The following TSPAN18 variants were observed in gnomAD, a reference collection of about 807,000 sequenced individuals.
TSPAN18 encodes the protein tetraspanin-18.
Under a neutral mutation model 27.3 loss-of-function variants are expected in TSPAN18, and 14 were observed. The observed-to-expected ratio is 0.51, with a 90% CI of 0.34 to 0.80. The LOEUF (loss-of-function observed/expected upper bound fraction) is 0.80. Among genes scored for constraint, TSPAN18 ranks in the 30% least tolerant of loss-of-function variants. The pLI is 0.01. For synonymous variants in TSPAN18, 143 were observed against 136.5 expected, an observed-to-expected ratio of 1.05 and a Z score of -0.33; for missense variants, 268 against 323.9, an observed-to-expected ratio of 0.83 and a Z score of 1.32.
At position 44,866,971 on chromosome 11, in the gene TSPAN18, A is replaced by C. The variant is rs1311122204; in HGVS notation, c.-11+6502A>C. On this transcript the variant is annotated intron_variant, in intron 3 of 9. Transcript: ENST00000520358. ...TCCTGTCACTCTCATTGGCTGCAAC[A>C]AATGCATCAATACCTTTCATTCAAG... 2.6e-5 allele frequency among the ~76,000 whole-genome samples: 4 copies of C among 152,264 alleles called. No individual in the cohort carries two copies. The East Asian group carries it at 7.7e-4, about 29-fold the overall frequency.
At chr11:44,742,277 C>T (rs914989385) in intron 1 of TSPAN18, among the ~76,000 whole-genome samples, 2 of 139,272 alleles carry the variant, frequency 1.4e-5, no homozygotes, top group Non-Finnish European at 3.2e-5. Flanking sequence ...CCCTTTTTCC[C>T]TTCCTTCTTT....
intron 2 of TSPAN18, among the ~76,000 whole-genome samples, chr11:44,822,742 A>G (rs1856952846): frequency 6.6e-6 from 1 of 152,104 alleles, no homozygotes; most frequent in South Asian, 2.1e-4. Flanking sequence ...GACACAGGCT[A>G]ACTCTGGGAA....
At chr11:44,900,237 T>C (rs1859209524) in intron 3 of TSPAN18, among the ~76,000 whole-genome samples, 1 of 152,192 alleles carries the variant, frequency 6.6e-6, no homozygotes, top group Admixed American at 6.5e-5. Context: ...AGCCCTGGTC[T>C]CTAGGCTTCA....
intron 2 of TSPAN18, among the ~76,000 whole-genome samples, chr11:44,779,973 G>C (rs1855899751): frequency 6.6e-6 from 1 of 152,096 alleles, no homozygotes; most frequent in Non-Finnish European, 1.5e-5. Context: ...ATCCCTGTCT[G>C]CCTTTGCACA....
intron 2 of TSPAN18, among the ~76,000 whole-genome samples, chr11:44,786,570 G>C (rs1026128417): frequency 6.6e-6 from 1 of 151,438 alleles, no homozygotes; most frequent in East Asian, 1.9e-4. Flanking sequence ...GTTGCCCCAG[G>C]ATCTAGGGTG....
chr11:44,840,299 C>T (rs538947936), intron 2 of TSPAN18, among the ~76,000 whole-genome samples: 2 of 152,208 alleles, frequency 1.3e-5, no homozygotes, highest in East Asian at 3.9e-4. Flanking sequence ...GGGTCTTTGC[C>T]CATTTCCGCT....
At chr11:44,880,189 G>A (rs930883581) in intron 3 of TSPAN18, among the ~76,000 whole-genome samples, 1 of 152,202 alleles carries the variant, frequency 6.6e-6, no homozygotes, top group Non-Finnish European at 1.5e-5. Context: ...AGAGCGCCAG[G>A]ATGGCCGCTG....
At chr11:44,797,339 G>C (rs1028472832) in intron 2 of TSPAN18, among the ~76,000 whole-genome samples, 4 of 152,220 alleles carry the variant, frequency 2.6e-5, no homozygotes, top group Non-Finnish European at 5.9e-5. Flanking sequence ...AGCCTGATGA[G>C]GTGGGTGTTA....
chr11:44,748,078 CAA>C (rs899342916), intron 1 of TSPAN18, among the ~76,000 whole-genome samples: 1 of 152,166 alleles, frequency 6.6e-6, no homozygotes, highest in Non-Finnish European at 1.5e-5. Flanking sequence ...TCCTTTCTCT[CAA>C]AAGAGACAAA....
Position 44,761,338 on chromosome 11 carries a change from A to G in TSPAN18, c.-239-3088A>G, listed in dbSNP as rs953941406. Among the ~76,000 whole-genome samples, 2 of 152,100 alleles carry G rather than the reference A, an allele frequency of 1.3e-5. 1 individual carries two copies. Among genetic ancestry groups the G allele is most frequent in the South Asian group, 4.2e-4 (2 of 4,810 alleles). ...CCTAAACCTTGGGATTCTTTTCTCC[A>G]TCTCCCAGGACAGCTCTGGCTCTAA... On this transcript the variant is annotated intron_variant, in intron 1 of 9. Coordinates refer to ENST00000520358, the MANE Select transcript of TSPAN18 (RefSeq NM_130783.5).
chr11:44,868,751 C>T lies in TSPAN18; in HGVS notation c.-11+8282C>T, dbSNP rs373590958. Among the ~76,000 whole-genome samples the T allele has an allele frequency of 1.5e-4, 23 of 152,232 alleles. No homozygotes were observed. In the East Asian group the frequency reaches 1.9e-3, roughly 13 times the overall value. On this transcript the variant is annotated intron_variant, in intron 3 of 9. Transcript: ENST00000520358. The stretch of plus-strand genomic sequence containing the variant: ...CCTGAGTCCTTGGGGCGGGCAGAAC[C>T]GGAGAGGGGGAAGGTGGAGCGCCCA...
intron 3 of TSPAN18, among the ~76,000 whole-genome samples, chr11:44,891,912 T>C (rs1858863238): frequency 6.6e-6 from 1 of 152,144 alleles, no homozygotes. Context: ...AGTGAATGAA[T>C]CAAGAGTGTT....
Position 44,862,215 on chromosome 11 carries a change from G to A in TSPAN18, c.-11+1746G>A, listed in dbSNP as rs1015107520. Among the ~76,000 whole-genome samples the A allele has an allele frequency of 2.0e-5, 3 of 152,224 alleles. No homozygotes were observed. In the East Asian group the frequency reaches 5.8e-4, roughly 29 times the overall value. On this transcript the variant is annotated intron_variant, in intron 3 of 9. Transcript: ENST00000520358. ...GGGGCACGAGGGTACACGTGGCCAG[G>A]CCAGCCTGGCAGCCCTGCTGCCCTC...
At chr11:44,742,491 G>T (rs914851659) in intron 1 of TSPAN18, among the ~76,000 whole-genome samples, 2 of 152,006 alleles carry the variant, frequency 1.3e-5, no homozygotes, top group African/African-American at 4.8e-5. Flanking sequence ...CCAGAAGGTA[G>T]TGGCATAGTC....
intron 3 of TSPAN18, among the ~76,000 whole-genome samples, chr11:44,860,671 G>A (rs1857855360): frequency 6.6e-6 from 1 of 152,172 alleles, no homozygotes; most frequent in African/African-American, 2.4e-5. Context: ...AAGGTTGCTG[G>A]GGTCTCACTA....
chr11:44,815,763 A>AG (rs760044090), intron 2 of TSPAN18, among the ~76,000 whole-genome samples: 1 of 152,146 alleles, frequency 6.6e-6, no homozygotes, highest in Non-Finnish European at 1.5e-5. Context: ...CTCACTGGGC[A>AG]GGGGCAGCTT....
chr11:44,781,322 G>A (rs983618303), intron 2 of TSPAN18, among the ~76,000 whole-genome samples: 1 of 152,228 alleles, frequency 6.6e-6, no homozygotes, highest in African/African-American at 2.4e-5. Flanking sequence ...TCCAGAAGCC[G>A]GGGCTGCCCA....
intron 1 of TSPAN18, among the ~76,000 whole-genome samples, chr11:44,747,546 C>T (rs1241363868): frequency 6.6e-6 from 1 of 152,116 alleles, no homozygotes; most frequent in Non-Finnish European, 1.5e-5. Context: ...GCCATTACGA[C>T]TGGTTATGAG....
chr11:44,911,873 C>G (rs1486717892), intron 5 of TSPAN18, among the ~76,000 whole-genome samples: 1 of 152,000 alleles, frequency 6.6e-6, no homozygotes, highest in African/African-American at 2.4e-5. Flanking sequence ...GAGAGGTGAT[C>G]CTGGCTGCCA....
Sources: gnomAD v4.1 joint callset for allele counts (sites outside exome capture counted in the v4.1 genomes callset) on GRCh38, gnomAD v4.1.1 for gene constraint, MANE v1.5 for transcripts, NCBI Gene and HGNC (gene_info 2026-07-23, HGNC 2026-07-21) for gene names.